PPP2R5A: variants seen among roughly 807,000 people sequenced by gnomAD.
PPP2R5A encodes serine/threonine-protein phosphatase 2A 56 kDa regulatory subunit alpha isoform.
A neutral mutation model predicts 64.2 loss-of-function variants in PPP2R5A; 25 were observed. The ratio of observed to expected loss-of-function variants is 0.39; its 90% confidence interval spans 0.28 to 0.54. PPP2R5A has a LOEUF of 0.54. PPP2R5A is among the 20% of genes least tolerant of loss of function. The pLI is 0.67. For missense variants in PPP2R5A, 425 were observed against 576.3 expected (o/e 0.74, Z 2.69); for synonymous variants, 198 against 201.2 (o/e 0.98, Z 0.13).
chr1:212,353,997 A>G (rs1025018017), intron 8 of PPP2R5A, among the ~76,000 whole-genome samples: 1 of 152,040 alleles, frequency 6.6e-6, no homozygotes, highest in Non-Finnish European at 1.5e-5. Flanking sequence ...ATCCTGGCTA[A>G]CACAGTGAAA....
chr1:212,343,643 CAT>C (rs1274844515), intron 4 of PPP2R5A, among the ~76,000 whole-genome samples: 2 of 152,260 alleles, frequency 1.3e-5, no homozygotes, highest in Admixed American at 6.5e-5. Context: ...TTAACAGTAA[CAT>C]ATACATTTTA....
rs1250133679 is a variant in PPP2R5A, at chr1:212,286,176, C to A, written c.66C>A (p.Asp22Glu). The A allele has an allele frequency of 1.8e-5, 29 of 1,590,190 alleles. No individual in the cohort carries two copies. Among genetic ancestry groups the A allele is most frequent in the Non-Finnish European group, 2.4e-5 (28 of 1,169,936 alleles). Residue 22 changes from aspartate to glutamate, a missense_variant, in exon 1 of 13, where the codon GAC becomes GAA. By Grantham distance (45) the Asp-to-Glu change is conservative. This residue lies in a region of PPP2R5A where 104 missense variants were observed against 95.7 expected (regional missense o/e 1.09). Coordinates refer to ENST00000261461, the MANE Select transcript of PPP2R5A (RefSeq NM_006243.4). ...SAAISASEKV[D>E]GFTRKSVRKA... is the part of the protein sequence containing the mutation. ...CCATCTCGGCCTCGGAGAAAGTGGA[C>A]GGCTTCACCCGGAAATCGGTCCGCA... is the stretch of plus-strand genomic sequence containing the variant.
chr1:212,322,932 C>G (rs945323618), intron 1 of PPP2R5A, among the ~76,000 whole-genome samples: 3 of 152,202 alleles, frequency 2.0e-5, no homozygotes, highest in African/African-American at 7.2e-5. Context: ...ACTGCAGGTG[C>G]CTGCCACCAT....
chr1:212,301,372 A>G (rs1454108090), intron 1 of PPP2R5A, among the ~76,000 whole-genome samples: 1 of 152,216 alleles, frequency 6.6e-6, no homozygotes, highest in East Asian at 1.9e-4. Context: ...TTTGAATGGT[A>G]ATTGATTAAA....
intron 1 of PPP2R5A, among the ~76,000 whole-genome samples, chr1:212,304,418 G>C (rs1000859293): frequency 6.6e-6 from 1 of 151,976 alleles, no homozygotes; most frequent in South Asian, 2.1e-4. Flanking sequence ...GGGTGGTGGC[G>C]CATGCCTGTA....
intron 3 of PPP2R5A, among the ~76,000 whole-genome samples, chr1:212,336,023 T>C (rs2102436970): frequency 6.6e-6 from 1 of 152,320 alleles, no homozygotes; most frequent in Middle Eastern, 3.4e-3. Flanking sequence ...ACTGGTATGA[T>C]TTGAGGTTTT....
intron 5 of PPP2R5A, 147 bp from the exon 6 acceptor site, chr1:212,347,196 CTGTT>C (rs1203487871): frequency 8.6e-6 from 5 of 580,460 alleles, no homozygotes; most frequent in Admixed American, 3.6e-5. Context: ...TATGAATTAA[CTGTT>C]TGGGGCAAAA....
At chr1:212,305,815 GAGAT>G (rs1658889257) in intron 1 of PPP2R5A, among the ~76,000 whole-genome samples, 1 of 151,988 alleles carries the variant, frequency 6.6e-6, no homozygotes, top group Non-Finnish European at 1.5e-5. Flanking sequence ...CTTTAGATAT[GAGAT>G]AAAGAGTATC....
chr1:212,315,095 T>C (rs1328906511), intron 1 of PPP2R5A, among the ~76,000 whole-genome samples: 2 of 152,250 alleles, frequency 1.3e-5, no homozygotes, highest in East Asian at 3.8e-4. Flanking sequence ...GCTTATGTTA[T>C]GATTTGGCTT....
chr1:212,339,462 C>T (rs1659648426), intron 3 of PPP2R5A, among the ~76,000 whole-genome samples: 1 of 152,144 alleles, frequency 6.6e-6, no homozygotes. Context: ...CAGGTGTGAG[C>T]CACTGCACCC....
In PPP2R5A at chr1:212,299,047, AC is replaced by A. The variant is rs1192271521; in HGVS notation, c.181+12768del. Among the ~76,000 whole-genome samples, 10 of 6,924 alleles carry A rather than the reference AC, an allele frequency of 1.4e-3. 2 individuals carry two copies. Among genetic ancestry groups the A allele is most frequent in the East Asian group, 5.7e-3 (1 of 174 alleles). The allele number at this position is 6,924 out of a possible 152,430, so 4.5% of individuals were successfully genotyped here. On this transcript the variant is annotated intron_variant, in intron 1 of 12. Transcript: ENST00000261461. ...CTCCCGGCCGGGGCGGCTGGCCGACACCCCCCCCCCCCGCCTCCCTCCCGGA... is the reference window on the plus strand; with the variant it reads ...CTCCCGGCCGGGGCGGCTGGCCGACACCCCCCCCCCCGCCTCCCTCCCGGA...
Position 212,286,375 on chromosome 1 carries a change from G to A in PPP2R5A, c.181+84G>A, listed in dbSNP as rs938650114. On this transcript the variant is annotated intron_variant, in intron 1 of 12. Transcript: ENST00000261461. ...GCGCCAGCAGAGCCATTTCCTGCTG[G>A]GTTTCTCCTGCTCAGTTGGGACTGG... The A allele has an allele frequency of 5.9e-6, 8 of 1,363,558 alleles. No homozygotes were observed. In the Admixed American group the frequency reaches 2.4e-4, roughly 41 times the overall value. 84.5% of individuals were successfully genotyped at this position (1,363,558 alleles called of 1,614,324 possible). A position where few individuals can be genotyped will look rare whatever the true frequency, so the allele number is the denominator to read the frequency against.
intron 1 of PPP2R5A, among the ~76,000 whole-genome samples, chr1:212,287,330 C>A (rs1459299542): frequency 6.6e-6 from 1 of 152,208 alleles, no homozygotes; most frequent in Non-Finnish European, 1.5e-5. Flanking sequence ...ACGGAAATCC[C>A]TATCATCTGA....
chr1:212,358,625 G>A (rs942751845), intron 11 of PPP2R5A, 61 bp from the exon 12 acceptor site: 2 of 1,222,702 alleles, frequency 1.6e-6, no homozygotes, highest in African/African-American at 3.0e-5. Flanking sequence ...AGAGACCATA[G>A]TGTTACATTT....
intron 1 of PPP2R5A, among the ~76,000 whole-genome samples, chr1:212,326,889 ATT>A (rs984891357): frequency 6.6e-6 from 1 of 152,200 alleles, no homozygotes; most frequent in Non-Finnish European, 1.5e-5. Flanking sequence ...ATATATCCAC[ATT>A]TGTTTTATTG....
At chr1:212,293,497 A>G (rs1180115267) in intron 1 of PPP2R5A, among the ~76,000 whole-genome samples, 3 of 152,208 alleles carry the variant, frequency 2.0e-5, no homozygotes, top group East Asian at 1.9e-4. Context: ...TTTGTATGAC[A>G]GACTGGGATT....
At position 212,361,106 on chromosome 1, in the gene PPP2R5A, T is replaced by C. The variant is rs14123; in HGVS notation, c.*336T>C. 0.26 allele frequency: 43,353 copies of C among 167,494 alleles called. 6,514 individuals are homozygous for C. The highest frequency in any genetic ancestry group is 0.4 in the African/African-American group (16,982 of 42,158). 10.4% of individuals were successfully genotyped at this position (167,494 alleles called of 1,614,324 possible). On this transcript the variant is annotated 3_prime_UTR_variant, in exon 13 of 13. Transcript: ENST00000261461. ...TCTTTGATTGTGTTGCACATAGATA[T>C]GGTAGTCTGCTCTGTATATTTTTCC...
intron 3 of PPP2R5A, 30 bp from the exon 4 acceptor site, chr1:212,342,158 T>C: frequency 5.0e-6 from 8 of 1,610,082 alleles, no homozygotes; most frequent in Non-Finnish European, 6.8e-6. Context: ...GTAGCCATCA[T>C]CTTAGCCTTT....
intron 1 of PPP2R5A, among the ~76,000 whole-genome samples, chr1:212,290,471 C>A (rs1185960756): frequency 6.6e-6 from 1 of 152,082 alleles, no homozygotes; most frequent in Non-Finnish European, 1.5e-5. Flanking sequence ...ACATTTTAGT[C>A]ATTTTAGGAC....
Sources: allele counts gnomAD v4.1 joint callset (sites outside exome capture counted in the v4.1 genomes callset), GRCh38; gene constraint gnomAD v4.1.1; regional missense constraint gnomAD v4.1.1; transcripts MANE v1.5; gene names NCBI Gene and HGNC (gene_info 2026-07-23, HGNC 2026-07-21).